Variants in OR4K13 observed in about 807,000 individuals in gnomAD.
OR4K13 encodes the protein olfactory receptor family 4 subfamily K member 13, also known as olfactory receptor 4K13.
For synonymous variants in OR4K13, 160 were observed against 134.8 expected, an observed-to-expected ratio of 1.19 and a Z score of -1.30; for missense variants, 403 against 366.0, an observed-to-expected ratio of 1.10 and a Z score of -0.82.
In OR4K13 at chr14:20,034,474, C is replaced by G; in HGVS notation, c.285G>C (p.Trp95Cys). The change falls in exon 2 of 2, where the codon TGG (tryptophan) becomes TGC (cysteine). Residue 95 changes from tryptophan (W) to cysteine (C), a missense_variant. By Grantham distance (215) the Trp-to-Cys change is radical. Transcript: ENST00000641904. ...FLRERKTISW[W>C]GCYSQMFFMH... ...TAAAGAACATCTGGGAATAACATCC[C>G]CACCATGAGATGGTCTTACGTTCTC... 1 of 1,613,868 alleles carries G rather than the reference C, an allele frequency of 6.2e-7. No individual in the cohort carries two copies. The highest frequency in any genetic ancestry group is 8.5e-7 in the Non-Finnish European group (1 of 1,179,950).
At chr14:20,035,794 A>G (rs943994382) in intron 1 of OR4K13, 144 bp downstream of exon 1, 8 of 152,102 alleles carry the variant, frequency 5.3e-5, no homozygotes, top group African/African-American at 1.9e-4. Flanking sequence ...TCATCGGCTC[A>G]TGCTTATTAC....
chr14:20,034,688 T>G lies in OR4K13; in HGVS notation c.71A>C (p.Gln24Pro). 1 of 1,613,136 alleles carries G rather than the reference T, an allele frequency of 6.2e-7. No individual in the cohort carries two copies. The highest frequency in any genetic ancestry group is 8.5e-7 in the Non-Finnish European group (1 of 1,179,716). Residue 24 changes from glutamine to proline, a missense_variant, in exon 2 of 2, where the codon CAG becomes CCG. Gln to Pro is a moderately conservative substitution (Grantham distance 76). Transcript: ENST00000641904. The stretch of plus-strand genomic sequence containing the variant: ...AGAGAATCCCAAGAAGAATAAAATC[T>G]GAAGATTTTGAGATTTGGAAAGTCC... The part of the protein sequence containing the change: ...LLGLSKSQNL[Q>P]ILFFLGFSVV...
chr14:20,034,476 A>G lies in OR4K13; in HGVS notation c.283T>C (p.Trp95Arg). The G allele has an allele frequency of 1.9e-6, 3 of 1,613,950 alleles. No homozygotes were observed. Among genetic ancestry groups the G allele is most frequent in the Non-Finnish European group, 2.5e-6 (3 of 1,179,954 alleles). Residue 95 changes from tryptophan to arginine, a missense_variant, in exon 2 of 2, where the codon TGG (tryptophan) becomes CGG (arginine). Transcript: ENST00000641904. ...FLRERKTISW[W>R]GCYSQMFFMH... ...AAGAACATCTGGGAATAACATCCCC[A>G]CCATGAGATGGTCTTACGTTCTCGG...
At position 20,034,984 on chromosome 14, in the gene OR4K13, G is replaced by A. The variant is rs1346785110; in HGVS notation, c.-223-3C>T. Reference sequence around the variant, plus strand: ...AGTAGAATTCAGAATATAAGTTTCTGGAAGACAAAAATAAAAACATTAATA... The same window carrying A: ...AGTAGAATTCAGAATATAAGTTTCTAGAAGACAAAAATAAAAACATTAATA... On this transcript the variant is annotated splice_polypyrimidine_tract_variant and splice_region_variant and intron_variant, in intron 1 of 1. Transcript: ENST00000641904. 6 of 472,534 alleles carry A rather than the reference G, an allele frequency of 1.3e-5. No individual in the cohort carries two copies. The highest frequency in any genetic ancestry group is 6.0e-5 in the African/African-American group (3 of 50,134). 29.3% of individuals were successfully genotyped at this position (472,534 alleles called of 1,614,324 possible).
At position 20,034,180 on chromosome 14, in the gene OR4K13, G is replaced by A. The variant is rs534566618; in HGVS notation, c.579C>T (p.Tyr193=). 5.6e-6 allele frequency: 9 copies of A among 1,614,128 alleles called. No individual in the cohort carries two copies. In the African/African-American group the frequency reaches 8.0e-5, roughly 14 times the overall value. The change falls in exon 2 of 2, where the codon TAC becomes TAT. Residue 193 remains tyrosine, a synonymous_variant. Transcript: ENST00000641904. ...CAGCAATGACCAGGAGCTGTAGGAT[G>A]TAGGTGTCCTTGCAGGCAAGTTTAA... ...LVIKLACKDT[Y]ILQLLVIADS...
chr14:20,031,129 C>T lies in OR4K13; in HGVS notation c.*2715G>A, dbSNP rs917098887. 1.2e-4 allele frequency: 18 copies of T among 152,334 alleles called. No homozygotes were observed. The highest frequency in any genetic ancestry group is 4.3e-4 in the African/African-American group (18 of 41,582). The allele number at this position is 152,334 out of a possible 1,614,324, so 9.4% of individuals were successfully genotyped here. On this transcript the variant is annotated 3_prime_UTR_variant, in exon 2 of 2. Transcript: ENST00000641904. Reference sequence around the variant, plus strand: ...ATTTGCCCATGGAAAACAGGTGCTACCCCTTAACTGGGGTTTAGAACTGTG... The same window carrying T: ...ATTTGCCCATGGAAAACAGGTGCTATCCCTTAACTGGGGTTTAGAACTGTG...
At position 20,034,327 on chromosome 14, in the gene OR4K13, T is replaced by C. The variant is rs1877508243; in HGVS notation, c.432A>G (p.Leu144=). Residue 144 remains leucine, a synonymous_variant, in exon 2 of 2, where the codon CTA becomes CTG. Transcript: ENST00000641904. ...TIMSPRVLTG[L]LLSSYAVGFV... is the part of the protein sequence containing the mutation. ...ATCCAACTGCATAGGAGGATAACAG[T>C]AGCCCAGTGAGCACCCGTGGGCTCA... The C allele has an allele frequency of 1.2e-6, 2 of 1,613,954 alleles. No individual in the cohort carries two copies. Among genetic ancestry groups the C allele is most frequent in the South Asian group, 2.2e-5 (2 of 91,076 alleles).
intron 1 of OR4K13, among the ~76,000 whole-genome samples, chr14:20,035,228 T>G (rs1877538163): frequency 1.3e-5 from 2 of 152,074 alleles, no homozygotes; most frequent in South Asian, 4.1e-4. Flanking sequence ...AGTTTTATAG[T>G]CACAGAATAA....
rs1205395338 is a variant in OR4K13 at position 20,031,978 on chromosome 14, G to C, written c.*1866C>G. On this transcript the variant is annotated 3_prime_UTR_variant, in exon 2 of 2. Transcript: ENST00000641904. Reference sequence around the variant, plus strand: ...AAGGAGTTTAAGACGGAAAAGATATGGGAAATATGTGGGAATAGTGCAGGA... The same window carrying C: ...AAGGAGTTTAAGACGGAAAAGATATCGGAAATATGTGGGAATAGTGCAGGA... 6.6e-6 allele frequency: 1 copy of C among 152,280 alleles called. No individual in the cohort carries two copies. The highest frequency in any genetic ancestry group is 2.4e-5 in the African/African-American group (1 of 41,444). The allele number at this position is 152,280 out of a possible 1,614,324, so 9.4% of individuals were successfully genotyped here. A position where few individuals can be genotyped will look rare whatever the true frequency, so the allele number is the denominator to read the frequency against.
In OR4K13 at chr14:20,034,853, A is replaced by T. The variant is rs1877529947; in HGVS notation, c.-95T>A. The T allele has an allele frequency of 1.9e-6, 2 of 1,055,390 alleles. No homozygotes were observed. Among genetic ancestry groups the T allele is most frequent in the East Asian group, 5.0e-5 (2 of 40,024 alleles). 65.4% of individuals were successfully genotyped at this position (1,055,390 alleles called of 1,614,324 possible). A position where few individuals can be genotyped will look rare whatever the true frequency, so the allele number is the denominator to read the frequency against. On this transcript the variant is annotated 5_prime_UTR_variant, in exon 2 of 2. It removes an upstream start codon present in the reference 5' UTR. Coordinates refer to ENST00000641904, the MANE Select transcript of OR4K13 (RefSeq NM_001004714.2). The stretch of plus-strand genomic sequence containing the variant: ...AAGAAATGTTCATGTTGATGTCCAC[A>T]TTTGGTACTCAGTCAAGGCACTTGA...
rs920644555 is a variant in OR4K13 at position 20,029,860 on chromosome 14, G to T, written c.*3984C>A. 1 of 152,042 alleles carries T rather than the reference G, an allele frequency of 6.6e-6. No homozygotes were observed. Among genetic ancestry groups the T allele is most frequent in the African/African-American group, 2.4e-5 (1 of 41,354 alleles). 9.4% of individuals were successfully genotyped at this position (152,042 alleles called of 1,614,324 possible). A position where few individuals can be genotyped will look rare whatever the true frequency, so the allele number is the denominator to read the frequency against. ...AATTGCTTGAACTGGGGAGGTGGAG[G>T]TTGCAGTGAGCCAAAATTGAGCCAC... On this transcript the variant is annotated 3_prime_UTR_variant, in exon 2 of 2. Coordinates refer to ENST00000641904, the MANE Select transcript of OR4K13 (RefSeq NM_001004714.2).
rs915292468 is a variant in OR4K13 at position 20,034,213 on chromosome 14, G to A, written c.546C>T (p.Pro182=). The change falls in exon 2 of 2, where the codon CCC becomes CCT. Residue 182 remains proline (P), a synonymous_variant. Transcript: ENST00000641904. ...CCTTGCAGGCAAGTTTAATCACAAGGGGAAGGTCACAGAAAAAGCTGTCTA... is the reference window on the plus strand; with the variant it reads ...CCTTGCAGGCAAGTTTAATCACAAGAGGAAGGTCACAGAAAAAGCTGTCTA... ...NVIDSFFCDL[P]LVIKLACKDT... 1.2e-6 allele frequency: 2 copies of A among 1,614,014 alleles called. No individual in the cohort carries two copies. Among genetic ancestry groups the A allele is most frequent in the African/African-American group, 1.3e-5 (1 of 74,904 alleles).
At position 20,034,385 on chromosome 14, in the gene OR4K13, GCA is replaced by G; in HGVS notation, c.372_373del (p.Ala125HisfsTer33). 6.2e-7 allele frequency: 1 copy of G among 1,613,952 alleles called. No homozygotes were observed. Among genetic ancestry groups the G allele is most frequent in the Non-Finnish European group, 8.5e-7 (1 of 1,179,992 alleles). On this transcript the variant is annotated frameshift_variant, in exon 2 of 2. Coordinates refer to ENST00000641904, the MANE Select transcript of OR4K13 (RefSeq NM_001004714.2). LOFTEE classifies it low-confidence loss of function (END_TRUNC). ...CATGTAATGGAGGGGTTTGCATATG[GCA>G]ACATACCTGTCTATTGCCATGGCTA...
intron 1 of OR4K13, chr14:20,035,574 ACAAACAACCCACAGT>A (rs1877548900): frequency 6.6e-6 from 1 of 152,002 alleles, no homozygotes; most frequent in Non-Finnish European, 1.5e-5. Flanking sequence ...GACAATGTGT[ACAAACAACCCACAGT>A]CAAATGTAAT....
rs1353962433 is a variant in OR4K13 at position 20,032,576 on chromosome 14, T to A, written c.*1268A>T. 6.6e-6 allele frequency: 1 copy of A among 151,518 alleles called. No individual in the cohort carries two copies. The highest frequency in any genetic ancestry group is 2.4e-5 in the African/African-American group (1 of 41,344). 9.4% of individuals were successfully genotyped at this position (151,518 alleles called of 1,614,324 possible). On this transcript the variant is annotated 3_prime_UTR_variant, in exon 2 of 2. Coordinates refer to ENST00000641904, the MANE Select transcript of OR4K13 (RefSeq NM_001004714.2). The stretch of plus-strand genomic sequence containing the variant: ...AGTTCTTTTTGGATTTATGCTGAAG[T>A]TGAAAGACAGTAGACATCTTCTCCC...
In OR4K13 at chr14:20,033,797, A is replaced by G; in HGVS notation, c.*47T>C. On this transcript the variant is annotated 3_prime_UTR_variant, in exon 2 of 2. Transcript: ENST00000641904. Reference sequence around the variant, plus strand: ...GAGTTTCTTAAATGTTCAAACAAACAAGAGAGTGTCTCTTCAAAAGTCTCA... The same window carrying G: ...GAGTTTCTTAAATGTTCAAACAAACGAGAGAGTGTCTCTTCAAAAGTCTCA... 6.8e-6 allele frequency: 7 copies of G among 1,028,434 alleles called. No homozygotes were observed. The highest frequency in any genetic ancestry group is 8.6e-6 in the Non-Finnish European group (6 of 699,406). The allele number at this position is 1,028,434 out of a possible 1,614,324, so 63.7% of individuals were successfully genotyped here.
intron 1 of OR4K13, 86 bp from the exon 2 acceptor site, chr14:20,035,067 C>G: frequency 4.0e-6 from 1 of 250,352 alleles, no homozygotes; most frequent in Non-Finnish European, 7.6e-6. Context: ...CTCTACAGGA[C>G]ACCTGGGTAA....
Position 20,034,590 on chromosome 14 carries a change from T to C in OR4K13, c.169A>G (p.Thr57Ala), listed in dbSNP as rs1261158098. The part of the protein sequence containing the change: ...VTVTFDSLLH[T>A]PMYFLLSNLS... ...TTGCTAAGCAGAAAATACATTGGTG[T>C]GTGAAGGAGCGAATCAAAGGTCACA... Residue 57 changes from threonine to alanine, a missense_variant, in exon 2 of 2, where the codon ACA becomes GCA. Coordinates refer to ENST00000641904, the MANE Select transcript of OR4K13 (RefSeq NM_001004714.2). 2 of 1,613,960 alleles carry C rather than the reference T, an allele frequency of 1.2e-6. No individual in the cohort carries two copies. Among genetic ancestry groups the C allele is most frequent in the South Asian group, 1.1e-5 (1 of 91,038 alleles).
Position 20,034,412 on chromosome 14 carries a change from A to G in OR4K13, c.347T>C (p.Val116Ala), listed in dbSNP as rs1199987557. The G allele has an allele frequency of 6.2e-7, 1 of 1,614,078 alleles. No homozygotes were observed. Among genetic ancestry groups the G allele is most frequent in the Non-Finnish European group, 8.5e-7 (1 of 1,179,994 alleles). ...LLGGSEMMLL[V>A]AMAIDRYVAI... ...AACATACCTGTCTATTGCCATGGCT[A>G]CAAGCAACATCATCTCACTCCCACC... is the stretch of plus-strand genomic sequence containing the variant. Residue 116 changes from valine (V) to alanine (A), a missense_variant, in exon 2 of 2, where the codon GTA (valine) becomes GCA (alanine). Transcript: ENST00000641904.
Sources: gnomAD v4.1 joint callset for allele counts (sites outside exome capture counted in the v4.1 genomes callset) on GRCh38, gnomAD v4.1.1 for gene constraint, MANE v1.5 for transcripts, NCBI Gene and HGNC (gene_info 2026-07-23, HGNC 2026-07-21) for gene names.